FAM168B: variants seen among roughly 807,000 people sequenced by gnomAD.
FAM168B encodes the protein family with sequence similarity 168 member B.
A neutral mutation model predicts 21.8 loss-of-function variants in FAM168B; 19 were observed. That is an observed-to-expected ratio of 0.87 (90% CI 0.61 to 1.28). The LOEUF is 1.28. Among genes scored for constraint, FAM168B ranks in the 50% most tolerant of loss-of-function variants. The pLI is 0.00. For missense variants in FAM168B, 233 were observed against 263.1 expected (o/e 0.89, Z 0.79); for synonymous variants, 126 against 104.8 (o/e 1.20, Z -1.24).
intron 5 of FAM168B, 49 bp downstream of exon 5, chr2:131,055,223 C>T (rs772741314): frequency 2.8e-6 from 4 of 1,422,228 alleles, no homozygotes; most frequent in Non-Finnish European, 3.7e-6. Context: ...TCCCCTCCCC[C>T]AGCTCTAGGG....
chr2:131,055,059 G>A (rs1003262509), intron 5 of FAM168B, among the ~76,000 whole-genome samples: 6 of 152,172 alleles, frequency 3.9e-5, no homozygotes, highest in African/African-American at 7.2e-5. Flanking sequence ...CCAACAAAGC[G>A]AGTCCATCAG....
intron 1 of FAM168B, among the ~76,000 whole-genome samples, chr2:131,092,143 CAA>C (rs992051589): frequency 1.6e-4 from 13 of 78,996 alleles, no homozygotes; most frequent in Non-Finnish European, 2.1e-4. Flanking sequence ...GACTCCGTCT[CAA>C]AAAAAAAAAA....
chr2:131,083,186 T>TAG (rs1693506104), intron 1 of FAM168B, among the ~76,000 whole-genome samples: 1 of 152,106 alleles, frequency 6.6e-6, no homozygotes, highest in Non-Finnish European at 1.5e-5. Flanking sequence ...AAACTCCGTC[T>TAG]CTACTAAAAA....
chr2:131,064,752 T>A (rs1239979863), intron 3 of FAM168B, among the ~76,000 whole-genome samples: 3 of 151,978 alleles, frequency 2.0e-5, no homozygotes, highest in Non-Finnish European at 4.4e-5. Flanking sequence ...CCTGGGATGA[T>A]GAGAACAGTG....
chr2:131,059,011 C>G (rs911879920), intron 3 of FAM168B, among the ~76,000 whole-genome samples: 1 of 152,026 alleles, frequency 6.6e-6, no homozygotes, highest in Admixed American at 6.5e-5. Flanking sequence ...TCCAATTCCC[C>G]CTAAGTGACT....
intron 3 of FAM168B, among the ~76,000 whole-genome samples, chr2:131,071,294 G>A (rs1234317915): frequency 6.6e-6 from 1 of 152,136 alleles, no homozygotes; most frequent in African/African-American, 2.4e-5. Flanking sequence ...AAAGCCCCGT[G>A]TGGGTGAAAA....
At chr2:131,061,507 G>A (rs190245576) in intron 3 of FAM168B, among the ~76,000 whole-genome samples, 11 of 152,144 alleles carry the variant, frequency 7.2e-5, no homozygotes, top group Admixed American at 3.9e-4. Flanking sequence ...ATAGTCAGGC[G>A]CAGTGGCTCA....
chr2:131,050,828 AG>A lies in FAM168B; in HGVS notation c.*1636del. 1 of 985,396 alleles carries A rather than the reference AG, an allele frequency of 1.0e-6. No homozygotes were observed. Among genetic ancestry groups the A allele is most frequent in the Non-Finnish European group, 1.2e-6 (1 of 829,972 alleles). 61.0% of individuals were successfully genotyped at this position (985,396 alleles called of 1,614,324 possible). On this transcript the variant is annotated 3_prime_UTR_variant, in exon 7 of 7. Transcript: ENST00000389915. ...AGAGGAGCAGAGCCCCCTCCCCACC[AG>A]AGCCCACAGCACTCAAACCACCACT...
chr2:131,080,412 C>T (rs1019772629), intron 2 of FAM168B, among the ~76,000 whole-genome samples: 1 of 150,966 alleles, frequency 6.6e-6, no homozygotes, highest in Non-Finnish European at 1.5e-5. Context: ...CTCAGGAGAG[C>T]GGATCACTTG....
At chr2:131,088,507 G>A (rs752965184) in intron 1 of FAM168B, among the ~76,000 whole-genome samples, 3 of 152,064 alleles carry the variant, frequency 2.0e-5, no homozygotes, top group Non-Finnish European at 4.4e-5. Flanking sequence ...GTTTGGACTC[G>A]ATTTAGACTG....
Position 131,050,164 on chromosome 2 carries a change from T to G in FAM168B, c.*2301A>C. On this transcript the variant is annotated 3_prime_UTR_variant, in exon 7 of 7. Transcript: ENST00000389915. Reference sequence around the variant, plus strand: ...CAGCCCACTCTTTAAAACACCATCCTGTGTGTGCCAAGTACCAAGCAAGCC... The same window carrying G: ...CAGCCCACTCTTTAAAACACCATCCGGTGTGTGCCAAGTACCAAGCAAGCC... 1.0e-6 allele frequency: 1 copy of G among 985,480 alleles called. No homozygotes were observed. The highest frequency in any genetic ancestry group is 1.2e-6 in the Non-Finnish European group (1 of 829,942). The allele number at this position is 985,480 out of a possible 1,614,324, so 61.0% of individuals were successfully genotyped here.
At chr2:131,065,783 C>T (rs1692522112) in intron 3 of FAM168B, among the ~76,000 whole-genome samples, 2 of 127,682 alleles carry the variant, frequency 1.6e-5, no homozygotes, top group South Asian at 5.0e-4. Context: ...AGCGAGACTC[C>T]AGCTCAAAAA....
At position 131,048,054 on chromosome 2, in the gene FAM168B, G is replaced by A. The variant is rs879080299; in HGVS notation, c.*4411C>T. On this transcript the variant is annotated 3_prime_UTR_variant, in exon 7 of 7. Transcript: ENST00000389915. ...GCTCAGGATGGAAATTCCATTCCTTGGCATGGATACGTAAGTTCAATGCAG... is the reference window on the plus strand; with the variant it reads ...GCTCAGGATGGAAATTCCATTCCTTAGCATGGATACGTAAGTTCAATGCAG... 1.4e-5 allele frequency: 7 copies of A among 518,390 alleles called. No individual in the cohort carries two copies. The South Asian group carries it at 1.9e-4, about 14-fold the overall frequency. 32.1% of individuals were successfully genotyped at this position (518,390 alleles called of 1,614,324 possible).
intron 2 of FAM168B, among the ~76,000 whole-genome samples, chr2:131,081,933 T>C (rs974426328): frequency 6.6e-5 from 10 of 152,308 alleles, no homozygotes; most frequent in Non-Finnish European, 1.0e-4. Context: ...TACCATATTA[T>C]CAAAACCCAA....
intron 3 of FAM168B, among the ~76,000 whole-genome samples, chr2:131,063,291 C>A (rs796895947): frequency 1.3e-5 from 2 of 152,152 alleles, no homozygotes; most frequent in African/African-American, 4.8e-5. Context: ...AAGTCACCAA[C>A]GATTTCTAAT....
Position 131,048,544 on chromosome 2 carries a change from A to C in FAM168B, c.*3921T>G. On this transcript the variant is annotated 3_prime_UTR_variant, in exon 7 of 7. Coordinates refer to ENST00000389915, the MANE Select transcript of FAM168B (RefSeq NM_001009993.4). ...AAATAATGAGTAGGAAAAAGAGACA[A>C]ACTTTCTGAAACATGCAGTTTCCGA... 1.8e-6 allele frequency: 2 copies of C among 1,116,158 alleles called. No homozygotes were observed. The highest frequency in any genetic ancestry group is 2.2e-6 in the Non-Finnish European group (2 of 898,122). 69.1% of individuals were successfully genotyped at this position (1,116,158 alleles called of 1,614,324 possible).
intron 1 of FAM168B, among the ~76,000 whole-genome samples, chr2:131,091,648 C>CAA (rs560911182): frequency 8.0e-6 from 1 of 125,278 alleles, no homozygotes; most frequent in East Asian, 2.3e-4. Context: ...CTCCGTCTCA[C>CAA]AAAAAAAAAA....
intron 2 of FAM168B, among the ~76,000 whole-genome samples, chr2:131,077,297 G>A (rs933363831): frequency 1.3e-4 from 20 of 151,436 alleles, no homozygotes; most frequent in African/African-American, 4.4e-4. Flanking sequence ...GAGCAACGCC[G>A]CCTGCATCTC....
chr2:131,089,130 C>T (rs1693874335), intron 1 of FAM168B, among the ~76,000 whole-genome samples: 1 of 152,074 alleles, frequency 6.6e-6, no homozygotes, highest in Non-Finnish European at 1.5e-5. Context: ...CCACACCCAG[C>T]TAATTTTGTA....
Sources: gnomAD v4.1 joint callset for allele counts (sites outside exome capture counted in the v4.1 genomes callset) on GRCh38, gnomAD v4.1.1 for gene constraint, MANE v1.5 for transcripts, NCBI Gene and HGNC (gene_info 2026-07-23, HGNC 2026-07-21) for gene names.